The following AGO4 variants were observed in gnomAD, a reference collection of about 807,000 sequenced individuals.
AGO4 encodes protein argonaute-4.
Under a neutral mutation model 104.7 loss-of-function variants are expected in AGO4, and 33 were observed. The observed-to-expected ratio is 0.32, with a 90% CI of 0.24 to 0.42. The LOEUF is 0.42. Ranked by LOEUF, AGO4 falls within the 10% of genes least tolerant of loss-of-function variation. The pLI, the probability that AGO4 is intolerant of heterozygous loss-of-function variation, is 1.00. For synonymous variants in AGO4, 331 were observed against 364.7 expected, an observed-to-expected ratio of 0.91 and a Z score of 1.05; for missense variants, 711 against 1,083.4, an observed-to-expected ratio of 0.66 and a Z score of 4.83.
In AGO4 at chr1:35,841,670, G is replaced by T. The variant is rs1264905563; in HGVS notation, c.2095G>T (p.Asp699Tyr). Residue 699 changes from aspartate to tyrosine, a missense_variant, in exon 15 of 18, where the codon GAT (aspartate) becomes TAT (tyrosine). Physicochemically the swap from Asp to Tyr is radical, Grantham distance 160. This residue lies in a region of AGO4 where 401 missense variants were observed against 665.5 expected (regional missense o/e 0.60). Transcript: ENST00000373210. This position sits in a 1 kb window ranked among gnomAD's most constrained non-coding sequence, Gnocchi z 4.7. Reference protein sequence around the residue: ...IRKACISLEEDYRPGITYIVV... With the variant: ...IRKACISLEEYYRPGITYIVV... ...AAAGGCATGTATTAGCTTGGAAGAA[G>T]ATTACCGGCCAGGAATAACTTATAT... 2 of 1,613,568 alleles carry T rather than the reference G, an allele frequency of 1.2e-6. No individual in the cohort carries two copies. The highest frequency in any genetic ancestry group is 1.7e-6 in the Non-Finnish European group (2 of 1,179,750).
At chr1:35,846,862 C>G (rs1644584497) in intron 15 of AGO4, among the ~76,000 whole-genome samples, 1 of 151,968 alleles carries the variant, frequency 6.6e-6, no homozygotes, top group Non-Finnish European at 1.5e-5. Flanking sequence ...ATACCAAAAT[C>G]CACATATGCT....
rs766286349 is a variant in AGO4, at chr1:35,825,666, C to T, written c.489-13C>T. 14 of 1,534,344 alleles carry T rather than the reference C, an allele frequency of 9.1e-6. No homozygotes were observed. Among genetic ancestry groups the T allele is most frequent in the South Asian group, 6.5e-5 (5 of 76,998 alleles). On this transcript the variant is annotated splice_polypyrimidine_tract_variant and intron_variant, in intron 4 of 17. Coordinates refer to ENST00000373210, the MANE Select transcript of AGO4 (RefSeq NM_017629.4). ...ATGTTTAATGTGACACATGCAAACT[C>T]TTATTTCTTCAGGTACACCCCAGTG...
At chr1:35,850,785 A>AC in intron 16 of AGO4, 69 bp from the exon 17 acceptor site, 1 of 923,218 alleles carries the variant, frequency 1.1e-6, no homozygotes, top group South Asian at 1.8e-5. Context: ...CATCTCAAAA[A>AC]AAAAAAAAAA....
chr1:35,824,787 C>G (rs888814712), intron 3 of AGO4, among the ~76,000 whole-genome samples: 1 of 152,094 alleles, frequency 6.6e-6, no homozygotes, highest in South Asian at 2.1e-4. Context: ...GATGACAGAG[C>G]AGGACCCTGT....
chr1:35,853,078 G>C (rs1351864467), intron 17 of AGO4, among the ~76,000 whole-genome samples: 1 of 151,852 alleles, frequency 6.6e-6, no homozygotes, highest in Admixed American at 6.6e-5. Flanking sequence ...GTGAAACCCC[G>C]TCTCTAGTAA....
Position 35,841,149 on chromosome 1 carries a change from C to T in AGO4, c.1725-16C>T, listed in dbSNP as rs149971988. ...CTTATATGTCTGAGTGGCAACATCT[C>T]CTTAAATCTGAGCAGGCCCTCGGTG... On this transcript the variant is annotated splice_polypyrimidine_tract_variant and intron_variant, in intron 13 of 17. Coordinates refer to ENST00000373210, the MANE Select transcript of AGO4 (RefSeq NM_017629.4). The surrounding 1 kb of genome is among the most constrained non-coding windows in gnomAD (Gnocchi z 4.7). 2.6e-5 allele frequency: 42 copies of T among 1,603,564 alleles called. No individual in the cohort carries two copies. In the African/African-American group the frequency reaches 4.8e-4, roughly 18 times the overall value.
intron 7 of AGO4, among the ~76,000 whole-genome samples, chr1:35,828,123 T>C (rs1454940313): frequency 6.6e-6 from 1 of 152,104 alleles, no homozygotes; most frequent in Non-Finnish European, 1.5e-5. Context: ...GGAGAAGACA[T>C]ACATGTAAAT....
intron 17 of AGO4, among the ~76,000 whole-genome samples, chr1:35,852,234 C>T (rs6674772): frequency 0.097 from 14,829 of 152,144 alleles, 1,141 homozygotes; most frequent in African/African-American, 0.22. Context: ...ATAGAATAGA[C>T]AGGACTTAAC....
intron 1 of AGO4, among the ~76,000 whole-genome samples, chr1:35,814,509 A>G (rs371195740): frequency 7.0e-6 from 1 of 142,512 alleles, no homozygotes; most frequent in African/African-American, 2.6e-5. Context: ...CCTGTGTCCA[A>G]GTGTTCTCAT....
chr1:35,845,030 T>C (rs1644534040), intron 15 of AGO4, among the ~76,000 whole-genome samples: 1 of 152,188 alleles, frequency 6.6e-6, no homozygotes, highest in African/African-American at 2.4e-5. Context: ...CACTGACTTC[T>C]TTGTAGCACT....
At chr1:35,828,039 C>G (rs2148663700) in intron 7 of AGO4, among the ~76,000 whole-genome samples, 1 of 151,900 alleles carries the variant, frequency 6.6e-6, no homozygotes, top group African/African-American at 2.4e-5. Context: ...ACCAGCACAC[C>G]CAGCCTACTG....
chr1:35,833,077 G>A (rs1206538901), intron 11 of AGO4, among the ~76,000 whole-genome samples: 4 of 151,982 alleles, frequency 2.6e-5, no homozygotes, highest in Admixed American at 1.3e-4. Context: ...TCAGGAGATC[G>A]AGATCATCCT....
chr1:35,849,686 CAAAAA>C (rs58930702), intron 15 of AGO4, among the ~76,000 whole-genome samples: 1 of 74,042 alleles, frequency 1.4e-5, no homozygotes. Context: ...GACGCTGTCT[CAAAAA>C]AAAAAAAAAA....
chr1:35,853,456 T>C, intron 17 of AGO4, 41 bp from the exon 18 acceptor site: 1 of 1,543,574 alleles, frequency 6.5e-7, no homozygotes, highest in East Asian at 2.3e-5. Context: ...TTTTTGTTTG[T>C]TTGTTTTGCT....
intron 13 of AGO4, among the ~76,000 whole-genome samples, chr1:35,840,399 T>C (rs1162050731): frequency 1.3e-5 from 2 of 152,152 alleles, no homozygotes; most frequent in Non-Finnish European, 2.9e-5. Flanking sequence ...TGACCTCAAG[T>C]GATCTGCCTG....
chr1:35,819,732 C>CAAA (rs142782775), intron 2 of AGO4, among the ~76,000 whole-genome samples: 10 of 107,310 alleles, frequency 9.3e-5, no homozygotes, highest in East Asian at 5.3e-4. Context: ...GACTCTGTCT[C>CAAA]AAAAAAAAAA....
chr1:35,825,229 C>A, intron 3 of AGO4, 84 bp from the exon 4 acceptor site: 1 of 1,367,576 alleles, frequency 7.3e-7, no homozygotes, highest in Non-Finnish European at 1.0e-6. Flanking sequence ...TATCCTTATG[C>A]ATGTATCATA....
chr1:35,823,888 T>G (rs1643946309), intron 3 of AGO4, among the ~76,000 whole-genome samples: 1 of 152,136 alleles, frequency 6.6e-6, no homozygotes, highest in African/African-American at 2.4e-5. Flanking sequence ...CAGCGAGAGT[T>G]GTTTTTTATA....
rs757993639 is a variant in AGO4 at position 35,857,462 on chromosome 1, A to G, written c.*3857A>G. 3.9e-5 allele frequency: 6 copies of G among 152,144 alleles called. No individual in the cohort carries two copies. Among genetic ancestry groups the G allele is most frequent in the Non-Finnish European group, 5.9e-5 (4 of 68,028 alleles). 9.4% of individuals were successfully genotyped at this position (152,144 alleles called of 1,614,324 possible). On this transcript the variant is annotated 3_prime_UTR_variant, in exon 18 of 18. Coordinates refer to ENST00000373210, the MANE Select transcript of AGO4 (RefSeq NM_017629.4). ...TTGTTTCTATATTATTAGACCTGTA[A>G]TGTTTTAAAATGTATTTTATTAAAT... is the stretch of plus-strand genomic sequence containing the variant.
Sources: allele counts gnomAD v4.1 joint callset (sites outside exome capture counted in the v4.1 genomes callset), GRCh38; gene constraint gnomAD v4.1.1; regional missense constraint gnomAD v4.1.1; non-coding constraint Gnocchi (gnomAD v3.1); transcripts MANE v1.5; gene names NCBI Gene and HGNC (gene_info 2026-07-23, HGNC 2026-07-21).